EML5: variants seen among roughly 807,000 people sequenced by gnomAD.
EML5 encodes the protein EMAP like 5, also known as echinoderm microtubule-associated protein-like 5.
In EML5, 120 loss-of-function variants were observed where a neutral mutation model predicts 250.0. The ratio of observed to expected loss-of-function variants is 0.48; its 90% CI spans 0.41 to 0.56. The LOEUF (loss-of-function observed/expected upper bound fraction) is 0.56, where lower values mean the gene tolerates loss of function less well. Ranked by LOEUF, EML5 falls within the 20% of genes least tolerant of loss-of-function variation. EML5 has a pLI of 0.00. For synonymous variants in EML5, 771 were observed against 806.5 expected, an observed-to-expected ratio of 0.96 and a Z score of 0.75; for missense variants, 2,006 against 2,437.6, an observed-to-expected ratio of 0.82 and a Z score of 3.73.
At chr14:88,773,978 G>A (rs1315659325) in intron 1 of EML5, among the ~76,000 whole-genome samples, 3 of 152,136 alleles carry the variant, frequency 2.0e-5, no homozygotes, top group Non-Finnish European at 4.4e-5. Flanking sequence ...AATTAGCTTG[G>A]TGTGGTGGCA....
chr14:88,748,232 C>T (rs1024365099), intron 2 of EML5, among the ~76,000 whole-genome samples: 4 of 152,134 alleles, frequency 2.6e-5, no homozygotes, highest in Non-Finnish European at 5.9e-5. Flanking sequence ...AGGATGAACT[C>T]TATGAGGTCA....
At chr14:88,708,813 T>G (rs936085825) in intron 10 of EML5, among the ~76,000 whole-genome samples, 3 of 152,100 alleles carry the variant, frequency 2.0e-5, no homozygotes, top group African/African-American at 7.2e-5. Flanking sequence ...CTTTTGATTA[T>G]GAAAACTATG....
At chr14:88,709,213 T>A (rs2093365973) in intron 10 of EML5, among the ~76,000 whole-genome samples, 1 of 151,920 alleles carries the variant, frequency 6.6e-6, no homozygotes, top group Admixed American at 6.6e-5. Flanking sequence ...TTTCTTAATA[T>A]ACAAAACTAC....
At chr14:88,746,611 C>T (rs996972836) in intron 2 of EML5, among the ~76,000 whole-genome samples, 13 of 151,824 alleles carry the variant, frequency 8.6e-5, no homozygotes, top group South Asian at 2.1e-4. Flanking sequence ...GATGAGCTGT[C>T]GAAAAATTAA....
chr14:88,674,504 C>T (rs973602000), intron 21 of EML5, among the ~76,000 whole-genome samples: 2 of 152,110 alleles, frequency 1.3e-5, no homozygotes, highest in African/African-American at 2.4e-5. Context: ...CTCACTATCA[C>T]GAGAACAGCA....
rs1176777265 is a variant in EML5, at chr14:88,616,872, C to G, written c.5650G>C (p.Gly1884Arg). ...GACCAGATTCCCAAAACCTCATCTC[C>G]TAGAATACTAGAGGGAAGGAACAAA... ...ITWATWTSILGDEVLGIWSRH... is the reference protein window; with the variant it reads ...ITWATWTSILRDEVLGIWSRH... The change falls in exon 42 of 44, where the codon GGA (glycine) becomes CGA (arginine). Residue 1884 changes from glycine (G) to arginine (R), a missense_variant. Around this residue, in one of 7 missense-constraint regions of EML5, gnomAD observed 405 missense variants for 523.3 expected, o/e 0.77. Coordinates refer to ENST00000554922, the MANE Select transcript of EML5 (RefSeq NM_183387.3). 1 of 1,613,594 alleles carries G rather than the reference C, an allele frequency of 6.2e-7. No homozygotes were observed. The highest frequency in any genetic ancestry group is 8.5e-7 in the Non-Finnish European group (1 of 1,179,722).
chr14:88,637,213 G>T (rs2090788586), intron 32 of EML5, among the ~76,000 whole-genome samples: 1 of 152,042 alleles, frequency 6.6e-6, no homozygotes, highest in Non-Finnish European at 1.5e-5. Context: ...AGTAATTTTT[G>T]TTATCTGTCT....
chr14:88,719,620 T>C (rs2093558361), intron 8 of EML5, among the ~76,000 whole-genome samples: 1 of 151,982 alleles, frequency 6.6e-6, no homozygotes, highest in Non-Finnish European at 1.5e-5. Flanking sequence ...TGTGTATATA[T>C]AATTTTCTAC....
chr14:88,631,832 G>A lies in EML5; in HGVS notation c.4357+2637C>T, dbSNP rs532086393. Reference sequence around the variant, plus strand: ...GCTATGATTACAGGTGTGAGCTACTGCGCCCAGCTCATATCTCTTCTAATG... The same window carrying A: ...GCTATGATTACAGGTGTGAGCTACTACGCCCAGCTCATATCTCTTCTAATG... On this transcript the variant is annotated intron_variant, in intron 33 of 43. Transcript: ENST00000554922. 1.6e-4 allele frequency among the ~76,000 whole-genome samples: 25 copies of A among 152,194 alleles called. 1 individual carries two copies. The highest frequency in any genetic ancestry group is 5.5e-4 in the African/African-American group (23 of 41,534).
At chr14:88,626,284 A>C (rs2089929174) in intron 35 of EML5, 1 of 152,470 alleles carries the variant, frequency 6.6e-6, no homozygotes, top group Admixed American at 6.5e-5. Context: ...CAATTAGAAG[A>C]TTAAGGAAGG....
rs553007540 is a variant in EML5, at chr14:88,704,761, T to A, written c.2051+99A>T. On this transcript the variant is annotated intron_variant, in intron 13 of 43. Transcript: ENST00000554922. ...GCAATGTTGTATCCTTTCGGATATG[T>A]CATTTCAGGGGATACAGTCAGTTCT... 7.3e-6 allele frequency: 6 copies of A among 819,530 alleles called. No individual in the cohort carries two copies. In the African/African-American group the frequency reaches 1.0e-4, roughly 14 times the overall value. 50.8% of individuals were successfully genotyped at this position (819,530 alleles called of 1,614,324 possible). A position where few individuals can be genotyped will look rare whatever the true frequency, so the allele number is the denominator to read the frequency against.
Position 88,694,398 on chromosome 14 carries a change from T to G in EML5, c.2448A>C (p.Lys816Asn). ...TCATCTTTACAACAAAAATCTTATCTTTACTTCCTCTGAAATAAACATCGA... is the reference window on the plus strand; with the variant it reads ...TCATCTTTACAACAAAAATCTTATCGTTACTTCCTCTGAAATAAACATCGA... The part of the protein sequence containing the change: ...GEKLSIARGS[K>N]DKIFVVKMNP... The change falls in exon 17 of 44, where the codon AAA (lysine) becomes AAC (asparagine). Residue 816 changes from lysine to asparagine, a missense_variant. By Grantham distance (94) the Lys-to-Asn change is moderately conservative. This residue lies in a region of EML5 where 1,375 missense variants were observed against 1,590.3 expected (regional missense o/e 0.86). Coordinates refer to ENST00000554922, the MANE Select transcript of EML5 (RefSeq NM_183387.3). 6.4e-7 allele frequency: 1 copy of G among 1,569,298 alleles called. No individual in the cohort carries two copies. The highest frequency in any genetic ancestry group is 8.7e-7 in the Non-Finnish European group (1 of 1,153,764).
At chr14:88,757,181 A>T (rs550740369) in intron 1 of EML5, among the ~76,000 whole-genome samples, 1 of 152,342 alleles carries the variant, frequency 6.6e-6, no homozygotes, top group Non-Finnish European at 1.5e-5. Flanking sequence ...ATTTGTGGTC[A>T]ACTGATTTCA....
At chr14:88,764,285 CCTCTT>C (rs1170536671) in intron 1 of EML5, among the ~76,000 whole-genome samples, 6 of 152,068 alleles carry the variant, frequency 3.9e-5, no homozygotes, top group African/African-American at 1.4e-4. Flanking sequence ...AGTAGTACTT[CCTCTT>C]CTATTTTCTA....
At chr14:88,693,993 G>C (rs1768060972) in intron 17 of EML5, among the ~76,000 whole-genome samples, 1 of 143,156 alleles carries the variant, frequency 7.0e-6, no homozygotes, top group South Asian at 2.2e-4. Flanking sequence ...GGCTGCTCTT[G>C]AACACCTAGG....
At chr14:88,706,205 G>A in intron 11 of EML5, 54 bp downstream of exon 11, 1 of 1,459,644 alleles carries the variant, frequency 6.9e-7, no homozygotes, top group Non-Finnish European at 9.1e-7. Context: ...TTATTTGGGG[G>A]TTACTGAAGA....
intron 1 of EML5, among the ~76,000 whole-genome samples, chr14:88,788,536 TAAA>T (rs36066768): frequency 7.0e-6 from 1 of 142,324 alleles, no homozygotes. Flanking sequence ...TTCACTATGT[TAAA>T]AAAAAAAAAA....
At chr14:88,657,599 ATTAAG>A (rs1436391243) in intron 26 of EML5, 97 bp from the exon 27 acceptor site, 123 of 1,246,540 alleles carry the variant, frequency 9.9e-5, no homozygotes, top group Middle Eastern at 4.9e-4. Context: ...TATGAAATAA[ATTAAG>A]TTGTTATAAG....
At chr14:88,791,564 T>C (rs1044933888) in intron 1 of EML5, among the ~76,000 whole-genome samples, 1 of 152,226 alleles carries the variant, frequency 6.6e-6, no homozygotes, top group Non-Finnish European at 1.5e-5. Context: ...CTTTGAGTTA[T>C]TGTCCAAGGA....
Sources: gnomAD v4.1 joint callset for allele counts (sites outside exome capture counted in the v4.1 genomes callset) on GRCh38, gnomAD v4.1.1 for gene constraint, gnomAD v4.1.1 regional missense constraint, MANE v1.5 for transcripts, NCBI Gene and HGNC (gene_info 2026-07-23, HGNC 2026-07-21) for gene names.